Variants in ADAMTS17 observed in about 807,000 individuals in gnomAD.
ADAMTS17 encodes ADAM metallopeptidase with thrombospondin type 1 motif 17.
In ADAMTS17, 113 loss-of-function variants were observed where a neutral mutation model predicts 141.5. That is an observed-to-expected ratio of 0.80 (90% confidence interval 0.69 to 0.93). The LOEUF is 0.93. Ranked by LOEUF, ADAMTS17 falls within the 40% of genes least tolerant of loss-of-function variation. The pLI is 0.00. For synonymous variants in ADAMTS17, 768 were observed against 630.6 expected (o/e 1.22, Z -3.27); for missense variants, 1,659 against 1,517.9 (o/e 1.09, Z -1.54).
In ADAMTS17 at chr15:100,276,616, A is replaced by G. The variant is rs534984215; in HGVS notation, c.789+4613T>C. On this transcript the variant is annotated intron_variant, in intron 4 of 21. Coordinates refer to ENST00000268070, the MANE Select transcript of ADAMTS17 (RefSeq NM_139057.4). ...TGGAATGAAGGTGGCAACCAACTCT[A>G]GCAGATTTCCTTCCAAATCTGGAGG... 7.9e-5 allele frequency among the ~76,000 whole-genome samples: 12 copies of G among 152,148 alleles called. No individual in the cohort carries two copies. In the East Asian group the frequency reaches 1.4e-3, roughly 17 times the overall value.
intron 20 of ADAMTS17, among the ~76,000 whole-genome samples, chr15:99,983,261 CA>C (rs1450188871): frequency 6.6e-6 from 1 of 152,152 alleles, no homozygotes. Flanking sequence ...CTGCCGTGGC[CA>C]GAGCTCAGAA....
chr15:100,010,388 G>A (rs1485448780), intron 18 of ADAMTS17, among the ~76,000 whole-genome samples: 1 of 152,238 alleles, frequency 6.6e-6, no homozygotes, highest in African/African-American at 2.4e-5. Context: ...CTCCAGGCAT[G>A]CACATCCCTT....
chr15:100,334,365 C>A (rs1338378591), intron 2 of ADAMTS17, among the ~76,000 whole-genome samples: 1 of 152,174 alleles, frequency 6.6e-6, no homozygotes, highest in African/African-American at 2.4e-5. Context: ...AATGGAATTC[C>A]CTTTCTTCAG....
intron 14 of ADAMTS17, among the ~76,000 whole-genome samples, chr15:100,108,484 C>T (rs1486369267): frequency 6.6e-6 from 1 of 152,144 alleles, no homozygotes; most frequent in Non-Finnish European, 1.5e-5. Context: ...TCTCTTTCTT[C>T]ACTTAAATGG....
intron 3 of ADAMTS17, among the ~76,000 whole-genome samples, chr15:100,301,294 C>T (rs1410772077): frequency 1.3e-5 from 2 of 151,142 alleles, no homozygotes; most frequent in African/African-American, 2.4e-5. Flanking sequence ...GTTTTTAGTT[C>T]CTTTTCTCTC....
In ADAMTS17 at chr15:99,997,259, C is replaced by T. The variant is rs1449882635; in HGVS notation, c.2796+126G>A. On this transcript the variant is annotated intron_variant, in intron 19 of 21. Transcript: ENST00000268070. This position sits in a 1 kb window ranked among gnomAD's most constrained non-coding sequence, Gnocchi z 4.7. ...GAGATGGAAATTAAGAACACATGAG[C>T]TATAACACAACTTCAAGCTGACCTG... is the stretch of plus-strand genomic sequence containing the variant. The T allele has an allele frequency of 7.7e-6, 8 of 1,032,336 alleles. No homozygotes were observed. The highest frequency in any genetic ancestry group is 1.2e-5 in the Non-Finnish European group (8 of 666,356). 63.9% of individuals were successfully genotyped at this position (1,032,336 alleles called of 1,614,324 possible). A position where few individuals can be genotyped will look rare whatever the true frequency, so the allele number is the denominator to read the frequency against.
intron 14 of ADAMTS17, among the ~76,000 whole-genome samples, chr15:100,106,918 G>A (rs538124524): frequency 2.0e-5 from 3 of 152,340 alleles, no homozygotes; most frequent in South Asian, 4.1e-4. Context: ...AAGCAGCCAG[G>A]AGGGGCCAGC....
chr15:100,155,202 C>T lies in ADAMTS17; in HGVS notation c.1300G>A (p.Asp434Asn), dbSNP rs751249087. ...SDLSWSSCSR[D>N]DLENFLKSKV... ...TACTTGAGGAAGTTTTCAAGGTCATCTCGGCTGCAGGAGGACCAAGAGAGG... is the reference window on the plus strand; with the variant it reads ...TACTTGAGGAAGTTTTCAAGGTCATTTCGGCTGCAGGAGGACCAAGAGAGG... Residue 434 changes from aspartate (D) to asparagine (N), a missense_variant, in exon 9 of 22, where the codon GAT becomes AAT. Coordinates refer to ENST00000268070, the MANE Select transcript of ADAMTS17 (RefSeq NM_139057.4). 6.2e-7 allele frequency: 1 copy of T among 1,614,234 alleles called. No homozygotes were observed. Among genetic ancestry groups the T allele is most frequent in the East Asian group, 2.2e-5 (1 of 44,882 alleles).
intron 18 of ADAMTS17, among the ~76,000 whole-genome samples, chr15:100,045,533 T>C (rs1484436759): frequency 2.0e-5 from 3 of 152,218 alleles, no homozygotes; most frequent in African/African-American, 7.2e-5. Flanking sequence ...TTAGCTGTGC[T>C]ATGTGGAGTC....
At chr15:100,207,635 G>A (rs1182655429) in intron 7 of ADAMTS17, among the ~76,000 whole-genome samples, 1 of 152,182 alleles carries the variant, frequency 6.6e-6, no homozygotes, top group Non-Finnish European at 1.5e-5. Context: ...AAAACGCTTG[G>A]TAGAGAAGAA....
At chr15:100,075,416 GT>G (rs2034299766) in intron 15 of ADAMTS17, among the ~76,000 whole-genome samples, 1 of 152,102 alleles carries the variant, frequency 6.6e-6, no homozygotes, top group Admixed American at 6.5e-5. Flanking sequence ...AAAAATAACT[GT>G]TCATTGTCCT....
intron 3 of ADAMTS17, among the ~76,000 whole-genome samples, chr15:100,289,598 A>G (rs1006984471): frequency 6.6e-6 from 1 of 152,106 alleles, no homozygotes; most frequent in Non-Finnish European, 1.5e-5. Flanking sequence ...CTTGATGAAC[A>G]CAGATGCAAA....
At chr15:100,248,231 A>C (rs950342387) in intron 7 of ADAMTS17, among the ~76,000 whole-genome samples, 2 of 152,176 alleles carry the variant, frequency 1.3e-5, no homozygotes, top group African/African-American at 4.8e-5. Context: ...AAATAGTAGG[A>C]GACCAAGCAA....
chr15:100,119,753 C>T (rs2037357577), intron 12 of ADAMTS17, among the ~76,000 whole-genome samples: 1 of 152,240 alleles, frequency 6.6e-6, no homozygotes, highest in African/African-American at 2.4e-5. Context: ...TCTGCTGCTG[C>T]TTCTCCCTGA....
intron 8 of ADAMTS17, among the ~76,000 whole-genome samples, chr15:100,188,323 C>T (rs1284774138): frequency 1.1e-4 from 16 of 151,760 alleles, no homozygotes; most frequent in African/African-American, 3.6e-4. Flanking sequence ...GTGATCTGCC[C>T]GCCTCAGCCT....
intron 18 of ADAMTS17, among the ~76,000 whole-genome samples, chr15:100,033,383 T>G (rs1337477580): frequency 1.3e-5 from 2 of 152,200 alleles, no homozygotes; most frequent in South Asian, 4.1e-4. Flanking sequence ...AACATTCCAG[T>G]TGGGCTGGCT....
intron 13 of ADAMTS17, among the ~76,000 whole-genome samples, chr15:100,114,190 G>GA (rs370163546): frequency 0.014 from 2,093 of 146,890 alleles, 48 homozygotes; most frequent in African/African-American, 0.047. Context: ...AAAGGAAGAG[G>GA]AAAAAAAAGA....
chr15:100,000,964 G>C (rs991585642), intron 18 of ADAMTS17, among the ~76,000 whole-genome samples: 1 of 152,178 alleles, frequency 6.6e-6, no homozygotes, highest in Admixed American at 6.5e-5. Flanking sequence ...AGAACAGACT[G>C]GTTTCTAGAA....
At chr15:100,038,388 C>T (rs2030944676) in intron 18 of ADAMTS17, among the ~76,000 whole-genome samples, 1 of 152,002 alleles carries the variant, frequency 6.6e-6, no homozygotes, top group African/African-American at 2.4e-5. Context: ...GCGACATGTC[C>T]CCATTTGTGG....
Sources: gnomAD v4.1 joint callset for allele counts (sites outside exome capture counted in the v4.1 genomes callset) on GRCh38, gnomAD v4.1.1 for gene constraint, Gnocchi (gnomAD v3.1) non-coding constraint, MANE v1.5 for transcripts, NCBI Gene and HGNC (gene_info 2026-07-23, HGNC 2026-07-21) for gene names.